CCSER1: variants seen among roughly 807,000 people sequenced by gnomAD.
The protein encoded by CCSER1 is coiled-coil serine rich protein 1.
In CCSER1, 41 loss-of-function variants were observed where a neutral mutation model predicts 82.0. The observed-to-expected ratio is 0.50, with a 90% CI of 0.39 to 0.65. The LOEUF is 0.65. Ranked by LOEUF, CCSER1 falls within the 30% of genes least tolerant of loss-of-function variation. The probability of loss-of-function intolerance (pLI) is 0.00; values close to 1 mark genes in which losing one functional copy is unlikely to be tolerated. For missense variants in CCSER1, 1,119 were observed against 1,064.2 expected (o/e 1.05, Z -0.72); for synonymous variants, 414 against 383.9 (o/e 1.08, Z -0.92).
intron 10 of CCSER1, among the ~76,000 whole-genome samples, chr4:91,496,713 C>CA (rs1434416027): frequency 7.6e-5 from 2 of 26,234 alleles, no homozygotes; most frequent in African/African-American, 1.1e-4. Context: ...TATATATATT[C>CA]AATATATAGA....
At chr4:90,855,381 A>C (rs1764343553) in intron 8 of CCSER1, among the ~76,000 whole-genome samples, 2 of 152,176 alleles carry the variant, frequency 1.3e-5, no homozygotes, top group Admixed American at 1.3e-4. Context: ...TTAGTTTTGG[A>C]ATAAGTCTAG....
intron 7 of CCSER1, among the ~76,000 whole-genome samples, chr4:90,743,408 G>A (rs1746882346): frequency 6.6e-6 from 1 of 152,284 alleles, no homozygotes; most frequent in African/African-American, 2.4e-5. Flanking sequence ...AAGCTCTTCA[G>A]TTATATTATT....
intron 10 of CCSER1, among the ~76,000 whole-genome samples, chr4:91,257,068 A>G (rs1230218837): frequency 6.6e-6 from 1 of 152,192 alleles, no homozygotes; most frequent in African/African-American, 2.4e-5. Flanking sequence ...CACTCTTTCT[A>G]AATTCATGTG....
chr4:90,636,338 T>C (rs1382233159), intron 6 of CCSER1, among the ~76,000 whole-genome samples: 4 of 151,860 alleles, frequency 2.6e-5, no homozygotes, highest in Non-Finnish European at 5.9e-5. Context: ...ATGTAAAAAT[T>C]TTCAGGAAAT....
chr4:91,212,290 T>C (rs1736880120), intron 10 of CCSER1, among the ~76,000 whole-genome samples: 1 of 152,032 alleles, frequency 6.6e-6, no homozygotes, highest in South Asian at 2.1e-4. Context: ...ATTGTAAAAT[T>C]GAGCTGTGCT....
intron 9 of CCSER1, among the ~76,000 whole-genome samples, chr4:91,066,625 A>G (rs954375457): frequency 2.0e-5 from 3 of 152,180 alleles, no homozygotes; most frequent in African/African-American, 7.2e-5. Flanking sequence ...GGAGAAGTAG[A>G]ACAAATACTG....
chr4:90,301,615 A>G (rs1733134958), intron 1 of CCSER1, among the ~76,000 whole-genome samples: 1 of 152,102 alleles, frequency 6.6e-6, no homozygotes, highest in Non-Finnish European at 1.5e-5. Context: ...TTTTTTCAAA[A>G]TAAAATAACG....
chr4:90,533,499 C>T (rs1394265645), intron 5 of CCSER1, among the ~76,000 whole-genome samples: 2 of 152,194 alleles, frequency 1.3e-5, no homozygotes, highest in African/African-American at 4.8e-5. Context: ...GCCTTCTGCT[C>T]TCTTTGCATA....
At chr4:91,414,315 A>T (rs935598443) in intron 10 of CCSER1, among the ~76,000 whole-genome samples, 10 of 152,180 alleles carry the variant, frequency 6.6e-5, no homozygotes, top group Non-Finnish European at 1.5e-4. Context: ...GAAAATGTAG[A>T]GTTCTTCCAT....
intron 8 of CCSER1, among the ~76,000 whole-genome samples, chr4:90,853,099 CA>C (rs201413737): frequency 4.0e-5 from 6 of 149,360 alleles, no homozygotes; most frequent in Middle Eastern, 3.5e-3. Flanking sequence ...AGAACAACCA[CA>C]AAAAAAAACA....
At chr4:91,458,000 A>G (rs956884427) in intron 10 of CCSER1, among the ~76,000 whole-genome samples, 4 of 152,178 alleles carry the variant, frequency 2.6e-5, no homozygotes, top group Non-Finnish European at 5.9e-5. Flanking sequence ...GGCTTTATAT[A>G]GTTATGTATA....
chr4:90,347,531 G>A (rs1742585420), intron 3 of CCSER1, among the ~76,000 whole-genome samples: 1 of 152,138 alleles, frequency 6.6e-6, no homozygotes, highest in African/African-American at 2.4e-5. Flanking sequence ...TAAATTTCAG[G>A]CTGCTCTTGT....
intron 10 of CCSER1, among the ~76,000 whole-genome samples, chr4:91,375,819 CA>C (rs1750373615): frequency 6.6e-6 from 1 of 151,310 alleles, no homozygotes; most frequent in Admixed American, 6.6e-5. Context: ...AGGGATTACT[CA>C]AAAGTCTAGA....
chr4:91,228,835 T>G (rs567133153), intron 10 of CCSER1, among the ~76,000 whole-genome samples: 732 of 152,260 alleles, frequency 4.8e-3, no homozygotes, highest in Non-Finnish European at 7.7e-3. Flanking sequence ...GAGAAATGCC[T>G]TGATAGTTAC....
At chr4:90,499,129 T>C (rs1270724159) in intron 5 of CCSER1, among the ~76,000 whole-genome samples, 1 of 152,066 alleles carries the variant, frequency 6.6e-6, no homozygotes, top group Non-Finnish European at 1.5e-5. Flanking sequence ...TGTGTGTGTG[T>C]GTGCATATGT....
intron 9 of CCSER1, among the ~76,000 whole-genome samples, chr4:91,053,698 C>T (rs1468368571): frequency 6.6e-6 from 1 of 152,194 alleles, no homozygotes; most frequent in African/African-American, 2.4e-5. Flanking sequence ...TGGGAAACAT[C>T]CCGAACTATT....
chr4:90,578,481 C>T (rs1781019655), intron 5 of CCSER1, among the ~76,000 whole-genome samples: 1 of 152,128 alleles, frequency 6.6e-6, no homozygotes, highest in African/African-American at 2.4e-5. Context: ...TGCCTATTCT[C>T]TAAGAATTTT....
intron 6 of CCSER1, among the ~76,000 whole-genome samples, chr4:90,714,081 T>C (rs1411468467): frequency 1.3e-5 from 2 of 151,990 alleles, no homozygotes; most frequent in Non-Finnish European, 2.9e-5. Flanking sequence ...TCGCCCCTTT[T>C]CATTCCTCTC....
chr4:91,368,120 G>GT (rs1749768223), intron 10 of CCSER1, among the ~76,000 whole-genome samples: 1 of 151,864 alleles, frequency 6.6e-6, no homozygotes, highest in South Asian at 2.1e-4. Flanking sequence ...CTTGCATGAA[G>GT]TATTTTTTTT....
Sources: gnomAD v4.1 joint callset for allele counts (sites outside exome capture counted in the v4.1 genomes callset) on GRCh38, gnomAD v4.1.1 for gene constraint, MANE v1.5 for transcripts, NCBI Gene and HGNC (gene_info 2026-07-23, HGNC 2026-07-21) for gene names.